The following CPPED1 variants were observed in gnomAD, a reference collection of about 807,000 sequenced individuals.
CPPED1 encodes the protein calcineurin like phosphoesterase domain containing 1.
In CPPED1, 28 loss-of-function variants were observed where a neutral mutation model predicts 28.0. The ratio of observed to expected loss-of-function variants is 1.00; its 90% CI spans 0.74 to 1.37. The LOEUF (loss-of-function observed/expected upper bound fraction) is 1.37, where lower values mean the gene tolerates loss of function less well. Among genes scored for constraint, CPPED1 ranks in the 40% most tolerant of loss-of-function variants. CPPED1 has a pLI of 0.00. For synonymous variants in CPPED1, 198 were observed against 180.2 expected (o/e 1.10, Z -0.79); for missense variants, 504 against 416.5 (o/e 1.21, Z -1.83).
rs373654175 is a variant in CPPED1, at chr16:12,766,656, C to G, written c.289+14529G>C. On this transcript the variant is annotated intron_variant, in intron 2 of 3. Transcript: ENST00000381774. ...TGGTGGCGGGCACCTGTAATCCCAG[C>G]TACTTGGGAGACTGAGGCAGGAGAA... Among the ~76,000 whole-genome samples the G allele has an allele frequency of 8.1e-4, 123 of 152,240 alleles. 1 individual carries two copies. The highest frequency in any genetic ancestry group is 2.8e-3 in the African/African-American group (115 of 41,532).
At chr16:12,699,804 G>A (rs2080010964) in intron 3 of CPPED1, among the ~76,000 whole-genome samples, 1 of 152,138 alleles carries the variant, frequency 6.6e-6, no homozygotes, top group African/African-American at 2.4e-5. Flanking sequence ...ATGGGGGGAA[G>A]AAAACAAAGG....
intron 2 of CPPED1, chr16:12,760,499 GCTGGGGGCCTGGTGTTCCCGGGGTGCA>G (rs1284940618): frequency 1.3e-5 from 2 of 152,506 alleles, no homozygotes; most frequent in African/African-American, 2.4e-5. Flanking sequence ...ATATACTACT[GCTGGGGGCCTGGTGTTCCCGGGGTGCA>G]CTGGGGGCCT....
At chr16:12,797,732 G>A (rs768330806) in intron 1 of CPPED1, among the ~76,000 whole-genome samples, 49 of 151,972 alleles carry the variant, frequency 3.2e-4, no homozygotes, top group African/African-American at 7.0e-4. Flanking sequence ...AAAAAATTCC[G>A]AACTTTTAAG....
At chr16:12,717,044 G>C (rs1368896853) in intron 2 of CPPED1, among the ~76,000 whole-genome samples, 2 of 152,118 alleles carry the variant, frequency 1.3e-5, no homozygotes, top group Non-Finnish European at 2.9e-5. Context: ...CTGCTGAACA[G>C]GGGGAAAGAA....
chr16:12,740,073 AGAAAG>A (rs1437196881), intron 2 of CPPED1, among the ~76,000 whole-genome samples: 2 of 151,328 alleles, frequency 1.3e-5, no homozygotes, highest in African/African-American at 4.9e-5. Context: ...AAAGAAAAAA[AGAAAG>A]GAAAGAAAGG....
At chr16:12,777,590 A>T (rs535467810) in intron 2 of CPPED1, among the ~76,000 whole-genome samples, 24 of 152,366 alleles carry the variant, frequency 1.6e-4, no homozygotes, top group African/African-American at 5.8e-4. Flanking sequence ...GCAAAACAAA[A>T]ATGTGTTTCA....
intron 2 of CPPED1, among the ~76,000 whole-genome samples, chr16:12,768,844 A>C (rs1189557138): frequency 6.6e-5 from 10 of 150,858 alleles, no homozygotes; most frequent in Non-Finnish European, 8.9e-5. Context: ...TATGGTTTAA[A>C]CTCACTGCCA....
Position 12,661,645 on chromosome 16 carries a change from C to T in CPPED1, c.*3241G>A, listed in dbSNP as rs1371016780. 1 of 152,230 alleles carries T rather than the reference C, an allele frequency of 6.6e-6. No homozygotes were observed. The highest frequency in any genetic ancestry group is 1.9e-4 in the East Asian group (1 of 5,196). The allele number at this position is 152,230 out of a possible 1,614,324, so 9.4% of individuals were successfully genotyped here. On this transcript the variant is annotated 3_prime_UTR_variant, in exon 4 of 4. Transcript: ENST00000381774. Reference sequence around the variant, plus strand: ...TTAGGTGACATTCCTTGCCTTGAGACAGCTGGTGGTTTCCTACACCCTGTG... The same window carrying T: ...TTAGGTGACATTCCTTGCCTTGAGATAGCTGGTGGTTTCCTACACCCTGTG...
At chr16:12,732,251 T>C (rs2080202089) in intron 2 of CPPED1, among the ~76,000 whole-genome samples, 1 of 148,514 alleles carries the variant, frequency 6.7e-6, no homozygotes, top group African/African-American at 2.5e-5. Context: ...AAAAAAGCTC[T>C]TGAAAATTAA....
chr16:12,765,481 A>T (rs1212675987), intron 2 of CPPED1, among the ~76,000 whole-genome samples: 1 of 152,246 alleles, frequency 6.6e-6, no homozygotes, highest in Non-Finnish European at 1.5e-5. Flanking sequence ...GCTTTGTATG[A>T]TATAAAATAT....
At chr16:12,715,374 T>C (rs1029639140) in intron 2 of CPPED1, among the ~76,000 whole-genome samples, 1 of 152,096 alleles carries the variant, frequency 6.6e-6, no homozygotes, top group Admixed American at 6.6e-5. Context: ...GCTTATAGCT[T>C]TTAGGCTGGG....
Position 12,665,043 on chromosome 16 carries a change from A to G in CPPED1, c.788T>C (p.Val263Ala). The change falls in exon 4 of 4, where the codon GTG becomes GCG. Residue 263 changes from valine to alanine, a missense_variant. Transcript: ENST00000381774. Reference sequence around the variant, plus strand: ...CAGCTGGCATCCAATGGCAGATGACACCACCATGTCGAGGTTCTGGTAGGT... The same window carrying G: ...CAGCTGGCATCCAATGGCAGATGACGCCACCATGTCGAGGTTCTGGTAGGT... ...GGTYQNLDMVVSSAIGCQLGR... is the reference protein window; with the variant it reads ...GGTYQNLDMVASSAIGCQLGR... The G allele has an allele frequency of 6.2e-7, 1 of 1,610,276 alleles. No individual in the cohort carries two copies. Among genetic ancestry groups the G allele is most frequent in the Non-Finnish European group, 8.5e-7 (1 of 1,178,868 alleles).
At chr16:12,768,707 A>G (rs1222695268) in intron 2 of CPPED1, among the ~76,000 whole-genome samples, 1 of 152,102 alleles carries the variant, frequency 6.6e-6, no homozygotes, top group Non-Finnish European at 1.5e-5. Context: ...GATATTTAGC[A>G]TTTCCTTCTA....
At chr16:12,803,507 A>G (rs1439733245) in intron 1 of CPPED1, among the ~76,000 whole-genome samples, 200 bp downstream of exon 1, 1 of 152,206 alleles carries the variant, frequency 6.6e-6, no homozygotes, top group African/African-American at 2.4e-5. Flanking sequence ...CCTAGACCAG[A>G]TCGCTCTCTC....
At chr16:12,683,545 C>T (rs377473531) in intron 3 of CPPED1, among the ~76,000 whole-genome samples, 32 of 152,306 alleles carry the variant, frequency 2.1e-4, no homozygotes, top group South Asian at 1.5e-3. Context: ...TCTGCAAACT[C>T]AACCCGCTTA....
In CPPED1 at chr16:12,660,760, C is replaced by T. The variant is rs1452042247; in HGVS notation, c.*4126G>A. ...TTTCCTCCAGCTCAATATAATATTG[C>T]TACCTAATATTGTGACTGCACAAAA... On this transcript the variant is annotated 3_prime_UTR_variant, in exon 4 of 4. Coordinates refer to ENST00000381774, the MANE Select transcript of CPPED1 (RefSeq NM_018340.3). 1 of 152,182 alleles carries T rather than the reference C, an allele frequency of 6.6e-6. No homozygotes were observed. Among genetic ancestry groups the T allele is most frequent in the Non-Finnish European group, 1.5e-5 (1 of 68,046 alleles). The allele number at this position is 152,182 out of a possible 1,614,324, so 9.4% of individuals were successfully genotyped here.
At chr16:12,772,188 T>C (rs1198549598) in intron 2 of CPPED1, among the ~76,000 whole-genome samples, 1 of 152,128 alleles carries the variant, frequency 6.6e-6, no homozygotes, top group South Asian at 2.1e-4. Context: ...TTGATGGTCA[T>C]TTGGCCATGG....
At chr16:12,797,300 C>T (rs2080633183) in intron 1 of CPPED1, among the ~76,000 whole-genome samples, 1 of 152,098 alleles carries the variant, frequency 6.6e-6, no homozygotes, top group Admixed American at 6.6e-5. Flanking sequence ...CCTGTAATCC[C>T]AGCACTTTTG....
intron 2 of CPPED1, among the ~76,000 whole-genome samples, chr16:12,759,756 C>G (rs1008393388): frequency 6.6e-6 from 1 of 152,212 alleles, no homozygotes; most frequent in Non-Finnish European, 1.5e-5. Context: ...GCTCTCTCTC[C>G]TGACGCCTTG....
Sources: gnomAD v4.1 joint callset for allele counts (sites outside exome capture counted in the v4.1 genomes callset) on GRCh38, gnomAD v4.1.1 for gene constraint, MANE v1.5 for transcripts, NCBI Gene and HGNC (gene_info 2026-07-23, HGNC 2026-07-21) for gene names.